Variants in RPS6KC1 observed in about 807,000 individuals in gnomAD.
The protein encoded by RPS6KC1 is ribosomal protein S6 kinase C1, also known as inactive ribosomal protein S6 kinase delta-1.
RPS6KC1 carries 54 observed loss-of-function variants against 103.8 expected under a neutral mutation model. That is an observed-to-expected ratio of 0.52 (90% CI 0.42 to 0.65). RPS6KC1 has a LOEUF of 0.65. RPS6KC1 is among the 30% of genes least tolerant of loss of function. The pLI is 0.00. For synonymous variants in RPS6KC1, 439 were observed against 438.7 expected (o/e 1.00, Z -0.01); for missense variants, 1,151 against 1,253.8 (o/e 0.92, Z 1.24).
chr1:213,775,924 C>T, the RPS6KC1 span, among the ~76,000 whole-genome samples: 1 of 152,214 alleles, frequency 6.6e-6, no homozygotes, highest in African/African-American at 2.4e-5. Flanking sequence ...ACAGCATCTT[C>T]ACCAGGAGTA....
intron 3 of RPS6KC1, among the ~76,000 whole-genome samples, chr1:213,102,788 C>G (rs1320950769): frequency 6.6e-6 from 1 of 152,112 alleles, no homozygotes; most frequent in Non-Finnish European, 1.5e-5. Flanking sequence ...AAGTTATAGA[C>G]CCTATCCTTA....
the RPS6KC1 span, among the ~76,000 whole-genome samples, chr1:213,554,870 A>C: frequency 2.0e-5 from 3 of 152,248 alleles, no homozygotes; most frequent in Non-Finnish European, 4.4e-5. Flanking sequence ...ATTTCATTAT[A>C]ACATAATACA....
Position 213,205,547 on chromosome 1 carries a change from G to GATATAGATATATATATAT in RPS6KC1, c.1045-24945_1045-24944insGATATATATATATATATA, listed in dbSNP as rs1187996128. Among the ~76,000 whole-genome samples, 39 of 102,476 alleles carry GATATAGATATATATATAT rather than the reference G, an allele frequency of 3.8e-4. 2 individuals carry two copies. Among genetic ancestry groups the GATATAGATATATATATAT allele is most frequent in the African/African-American group, 1.4e-3 (38 of 27,340 alleles). The allele number at this position is 102,476 out of a possible 152,430, so 67.2% of individuals were successfully genotyped here. A position where few individuals can be genotyped will look rare whatever the true frequency, so the allele number is the denominator to read the frequency against. The stretch of plus-strand genomic sequence containing the variant: ...AACAACAAACTCATTTATATATATA[G>GATATAGATATATATATAT]ATATATATATATATATATATTTCAA... On this transcript the variant is annotated intron_variant, in intron 8 of 14. Transcript: ENST00000366960.
At chr1:213,862,223 G>A in the RPS6KC1 span, among the ~76,000 whole-genome samples, 1 of 152,206 alleles carries the variant, frequency 6.6e-6, no homozygotes, top group Non-Finnish European at 1.5e-5. Context: ...GACTGCATTA[G>A]CGTGGAAATG....
chr1:213,487,360 C>T, the RPS6KC1 span, among the ~76,000 whole-genome samples: 7 of 152,306 alleles, frequency 4.6e-5, no homozygotes, highest in African/African-American at 9.6e-5. Context: ...CATACTCCTG[C>T]ACTCCAGCCT....
the RPS6KC1 span, among the ~76,000 whole-genome samples, chr1:213,593,425 C>T: frequency 1.3e-5 from 2 of 152,112 alleles, no homozygotes; most frequent in East Asian, 3.9e-4. Flanking sequence ...GAAAATGGCT[C>T]ATAAAGTCAA....
At chr1:213,265,869 G>A (rs1336008113) in intron 14 of RPS6KC1, among the ~76,000 whole-genome samples, 1 of 152,194 alleles carries the variant, frequency 6.6e-6, no homozygotes, top group East Asian at 1.9e-4. Flanking sequence ...TTGTTGTTAA[G>A]ACATGGATTC....
chr1:213,397,151 T>G, the RPS6KC1 span, among the ~76,000 whole-genome samples: 4 of 152,106 alleles, frequency 2.6e-5, no homozygotes, highest in African/African-American at 9.7e-5. Context: ...TACAGCAGGT[T>G]CCCCCGTCCC....
At chr1:213,597,013 T>C in the RPS6KC1 span, among the ~76,000 whole-genome samples, 1 of 152,176 alleles carries the variant, frequency 6.6e-6, no homozygotes, top group East Asian at 1.9e-4. Flanking sequence ...GCATAGACAG[T>C]TCAAAACCAA....
rs567178448 is a variant in RPS6KC1, at chr1:213,174,251, A to G, written c.952-2149A>G. On this transcript the variant is annotated intron_variant, in intron 7 of 14. Coordinates refer to ENST00000366960, the MANE Select transcript of RPS6KC1 (RefSeq NM_012424.6). ...CTTCCTGACCACAGACAAACACTCC[A>G]GCATTCTGAGAATCCCTTTATTCAT... 4.2e-4 allele frequency among the ~76,000 whole-genome samples: 64 copies of G among 152,356 alleles called. 1 individual carries two copies. Among genetic ancestry groups the G allele is most frequent in the Admixed American group, 3.5e-3 (54 of 15,296 alleles).
At chr1:213,276,333 T>C (rs2149208032), downstream of RPS6KC1, among the ~76,000 whole-genome samples, 1 of 152,338 alleles carries the variant, frequency 6.6e-6, no homozygotes, top group African/African-American at 2.4e-5. Flanking sequence ...CTTTTTTCTT[T>C]AGAGGACTTG....
the RPS6KC1 span, among the ~76,000 whole-genome samples, chr1:213,808,759 C>T: frequency 2.0e-5 from 3 of 152,250 alleles, no homozygotes; most frequent in Non-Finnish European, 2.9e-5. Flanking sequence ...CGCCTTGCTT[C>T]GGCTCGCACA....
At chr1:213,788,834 A>G in the RPS6KC1 span, among the ~76,000 whole-genome samples, 1 of 152,296 alleles carries the variant, frequency 6.6e-6, no homozygotes, top group South Asian at 2.1e-4. Context: ...ACAAAGTTGT[A>G]TGGATAATCT....
At chr1:213,827,919 C>A in the RPS6KC1 span, among the ~76,000 whole-genome samples, 2 of 152,168 alleles carry the variant, frequency 1.3e-5, no homozygotes, top group Non-Finnish European at 2.9e-5. Context: ...TTGTGCCTCC[C>A]ACCATGACCT....
At chr1:213,669,135 C>T in the RPS6KC1 span, among the ~76,000 whole-genome samples, 1 of 152,224 alleles carries the variant, frequency 6.6e-6, no homozygotes, top group African/African-American at 2.4e-5. Context: ...TTTGCATTCA[C>T]AACTTGGCTC....
At chr1:213,844,222 T>C in the RPS6KC1 span, among the ~76,000 whole-genome samples, 2 of 152,216 alleles carry the variant, frequency 1.3e-5, no homozygotes, top group African/African-American at 2.4e-5. Flanking sequence ...CATAAGATTG[T>C]GACTTGCTGT....
At chr1:213,233,518 G>C (rs1287256118) in intron 10 of RPS6KC1, among the ~76,000 whole-genome samples, 1 of 152,138 alleles carries the variant, frequency 6.6e-6, no homozygotes, top group Non-Finnish European at 1.5e-5. Context: ...CTATTACCCA[G>C]TGTGGATTAT....
chr1:213,319,764 C>T, the RPS6KC1 span, among the ~76,000 whole-genome samples: 1 of 152,186 alleles, frequency 6.6e-6, no homozygotes, highest in Non-Finnish European at 1.5e-5. Flanking sequence ...AATTTGAGCC[C>T]TCTCTCCAAA....
At chr1:213,122,714 G>A (rs2084535690) in intron 5 of RPS6KC1, among the ~76,000 whole-genome samples, 1 of 152,114 alleles carries the variant, frequency 6.6e-6, no homozygotes, top group Non-Finnish European at 1.5e-5. Context: ...GCCCTTTGGT[G>A]TTATGTATGT....
Sources: allele counts gnomAD v4.1 joint callset (sites outside exome capture counted in the v4.1 genomes callset), GRCh38; gene constraint gnomAD v4.1.1; transcripts MANE v1.5; gene names NCBI Gene and HGNC (gene_info 2026-07-23, HGNC 2026-07-21).